UNC13B: variants seen among roughly 807,000 people sequenced by gnomAD.
UNC13B encodes protein unc-13 homolog B.
In UNC13B, 144 loss-of-function variants were observed where a neutral mutation model predicts 211.0. The observed-to-expected ratio is 0.68, with a 90% confidence interval of 0.60 to 0.78. UNC13B has a LOEUF of 0.78. UNC13B is among the 30% of genes least tolerant of loss of function. The pLI, the probability that UNC13B is intolerant of heterozygous loss-of-function variation, is 0.00. For synonymous variants in UNC13B, 709 were observed against 725.8 expected, an observed-to-expected ratio of 0.98 and a Z score of 0.37; for missense variants, 1,777 against 2,002.0, an observed-to-expected ratio of 0.89 and a Z score of 2.14.
chr9:35,232,071 T>G (rs1825232632), intron 3 of UNC13B, among the ~76,000 whole-genome samples: 1 of 151,720 alleles, frequency 6.6e-6, no homozygotes, highest in Non-Finnish European at 1.5e-5. Flanking sequence ...GAAACTGAAC[T>G]GAAATCGATT....
At chr9:35,228,153 C>T in intron 2 of UNC13B, 109 bp downstream of exon 2, 1 of 1,020,486 alleles carries the variant, frequency 9.8e-7, no homozygotes. Flanking sequence ...TGATTCATTA[C>T]TTCACTAAAT....
At chr9:35,394,795 G>A (rs906090170) in intron 26 of UNC13B, among the ~76,000 whole-genome samples, 1 of 152,200 alleles carries the variant, frequency 6.6e-6, no homozygotes, top group Non-Finnish European at 1.5e-5. Flanking sequence ...CTTTACTGGA[G>A]CATGACTCCA....
chr9:35,225,352 G>C (rs1396327918), intron 1 of UNC13B, among the ~76,000 whole-genome samples: 3 of 152,064 alleles, frequency 2.0e-5, no homozygotes, highest in Non-Finnish European at 4.4e-5. Context: ...GTAGAGATGG[G>C]GTTTCCCATG....
chr9:35,375,151 G>A lies in UNC13B; in HGVS notation c.9565G>A (p.Gly3189Arg), dbSNP rs758126746. 1.8e-5 allele frequency: 29 copies of A among 1,614,066 alleles called. No homozygotes were observed. The highest frequency in any genetic ancestry group is 2.5e-5 in the Non-Finnish European group (29 of 1,180,010). Residue 3189 changes from glycine to arginine, a missense_variant, in exon 14 of 40, where the codon GGA becomes AGA. By Grantham distance (125) the Gly-to-Arg change is moderately radical (BLOSUM62 -2). Transcript: ENST00000635942. ...GTCACTGGTCCAGTCTCGGAAGGCAGGAATCACTTCTGCAATGGCTACACG... is the reference window on the plus strand; with the variant it reads ...GTCACTGGTCCAGTCTCGGAAGGCAAGAATCACTTCTGCAATGGCTACACG... ...DLSLVQSRKA[G>R]ITSAMATRTS...
intron 10 of UNC13B, among the ~76,000 whole-genome samples, chr9:35,311,207 A>G (rs1484739053): frequency 6.6e-6 from 1 of 152,182 alleles, no homozygotes; most frequent in East Asian, 1.9e-4. Flanking sequence ...CCTGAGCTCA[A>G]GCAATCCACC....
intron 1 of UNC13B, among the ~76,000 whole-genome samples, chr9:35,164,215 CTG>C (rs1272298825): frequency 6.6e-6 from 1 of 152,166 alleles, no homozygotes; most frequent in Non-Finnish European, 1.5e-5. Flanking sequence ...CAGAGTTTCA[CTG>C]TGTTGGCTAG....
At chr9:35,288,684 T>C (rs1014974714) in intron 7 of UNC13B, among the ~76,000 whole-genome samples, 5 of 152,192 alleles carry the variant, frequency 3.3e-5, no homozygotes, top group African/African-American at 1.2e-4. Flanking sequence ...ACATGACTTG[T>C]TTTTTCATGC....
At chr9:35,354,786 G>A (rs1478937727) in intron 11 of UNC13B, among the ~76,000 whole-genome samples, 1 of 152,150 alleles carries the variant, frequency 6.6e-6, no homozygotes, top group African/African-American at 2.4e-5. Context: ...CTTGTACGTT[G>A]CTGGTGGGAT....
At chr9:35,237,597 G>T in intron 4 of UNC13B, 106 bp from the exon 5 acceptor site, 2 of 1,404,650 alleles carry the variant, frequency 1.4e-6, no homozygotes, top group Non-Finnish European at 2.0e-6. Flanking sequence ...GGATGTGAAT[G>T]GCCCTCAGAA....
At chr9:35,247,856 A>C (rs1826198099) in intron 6 of UNC13B, among the ~76,000 whole-genome samples, 1 of 152,172 alleles carries the variant, frequency 6.6e-6, no homozygotes, top group Non-Finnish European at 1.5e-5. Flanking sequence ...TATCAGGATG[A>C]TGCTGGCCTC....
chr9:35,200,233 T>C (rs372218117), intron 1 of UNC13B, among the ~76,000 whole-genome samples: 2 of 152,240 alleles, frequency 1.3e-5, no homozygotes, highest in South Asian at 2.1e-4. Flanking sequence ...GTTTTGGTTA[T>C]TGTAGCCTTG....
At chr9:35,175,862 T>A (rs60255951) in intron 1 of UNC13B, among the ~76,000 whole-genome samples, 125,204 of 149,078 alleles carry the variant, frequency 0.84, 52,837 homozygotes, top group East Asian at 1. Flanking sequence ...ACTAAAAATA[T>A]ATAAAAAAAA....
At chr9:35,235,977 T>C (rs1435023164) in intron 3 of UNC13B, among the ~76,000 whole-genome samples, 1 of 151,972 alleles carries the variant, frequency 6.6e-6, no homozygotes. Context: ...CATTTTTCTT[T>C]CTTTTCCCGC....
intron 6 of UNC13B, among the ~76,000 whole-genome samples, chr9:35,251,108 A>G (rs543794383): frequency 2.0e-5 from 3 of 151,468 alleles, no homozygotes; most frequent in Non-Finnish European, 4.4e-5. Context: ...GACTACTGGC[A>G]CCCGCCACCG....
intron 36 of UNC13B, 48 bp from the exon 37 acceptor site, chr9:35,400,248 C>G: frequency 1.3e-6 from 2 of 1,598,514 alleles, no homozygotes; most frequent in African/African-American, 2.7e-5. Context: ...TGGGGAGCTG[C>G]TTTCTGTAAG....
intron 7 of UNC13B, among the ~76,000 whole-genome samples, chr9:35,281,517 G>T (rs1296456333): frequency 6.6e-6 from 1 of 152,142 alleles, no homozygotes; most frequent in Non-Finnish European, 1.5e-5. Context: ...GAATGGGAAC[G>T]TAAGTACTTG....
intron 11 of UNC13B, among the ~76,000 whole-genome samples, chr9:35,347,982 A>G (rs1832473719): frequency 6.6e-6 from 1 of 152,188 alleles, no homozygotes; most frequent in Non-Finnish European, 1.5e-5. Context: ...TCACACCTGT[A>G]ATCCTAGCAC....
intron 11 of UNC13B, chr9:35,352,768 GA>G: frequency 8.1e-7 from 1 of 1,232,184 alleles, no homozygotes; most frequent in Non-Finnish European, 1.0e-6. Flanking sequence ...AACTGTCAGA[GA>G]AAAAGGCTTC....
Position 35,300,588 on chromosome 9 carries a change from C to A in UNC13B, c.1184C>A (p.Ser395Ter). The change falls in exon 9 of 40, where the codon TCA (serine) becomes TAA (stop). Residue 395 changes from serine to a stop codon, truncating the protein, a stop_gained. Transcript: ENST00000635942. LOFTEE classifies it high-confidence loss of function. ...TCTGATAAGCAGGAAAATTTACAGT[C>A]ACCAACATGGCATTCATCCAATGTC... ...PISDKQENLQ[S>*]PTWHSSNVHH... The A allele has an allele frequency of 2.5e-6, 1 of 398,980 alleles. No homozygotes were observed. Among genetic ancestry groups the A allele is most frequent in the South Asian group, 1.3e-4 (1 of 7,834 alleles). 24.7% of individuals were successfully genotyped at this position (398,980 alleles called of 1,614,324 possible).
Sources: allele counts gnomAD v4.1 joint callset (sites outside exome capture counted in the v4.1 genomes callset), GRCh38; gene constraint gnomAD v4.1.1; transcripts MANE v1.5; gene names NCBI Gene and HGNC (gene_info 2026-07-23, HGNC 2026-07-21).